Variants in DAP observed in about 807,000 individuals in gnomAD.
The protein encoded by DAP is death-associated protein 1.
In DAP, 8 loss-of-function variants were observed where a neutral mutation model predicts 13.8. That is an observed-to-expected ratio of 0.58 (90% CI 0.34 to 1.05). The LOEUF is 1.05. DAP is among the 50% of genes least tolerant of loss of function. DAP has a pLI of 0.03. For missense variants in DAP, 106 were observed against 133.2 expected (o/e 0.80, Z 1.01); for synonymous variants, 47 against 47.5 (o/e 0.99, Z 0.04).
intron 2 of DAP, among the ~76,000 whole-genome samples, chr5:10,687,751 A>G (rs1351182015): frequency 1.3e-5 from 2 of 152,236 alleles, no homozygotes; most frequent in Non-Finnish European, 2.9e-5. Flanking sequence ...TAATTGATAA[A>G]GCAGTGGCAG....
intron 1 of DAP, among the ~76,000 whole-genome samples, chr5:10,757,354 A>C (rs904042075): frequency 6.6e-6 from 1 of 152,010 alleles, no homozygotes; most frequent in Non-Finnish European, 1.5e-5. Flanking sequence ...GGCTCACCAC[A>C]ACCTCTGCCT....
chr5:10,715,759 T>A (rs267981), intron 2 of DAP, among the ~76,000 whole-genome samples: 3 of 152,204 alleles, frequency 2.0e-5, no homozygotes, highest in African/African-American at 7.2e-5. Flanking sequence ...GCAGGGAGGC[T>A]GTTAGCCTCA....
intron 2 of DAP, among the ~76,000 whole-genome samples, chr5:10,684,491 C>T (rs1738107833): frequency 6.6e-6 from 1 of 152,224 alleles, no homozygotes; most frequent in Non-Finnish European, 1.5e-5. Context: ...AAAAAACAGA[C>T]AAGCCCAAAC....
At chr5:10,708,223 C>T (rs894270099) in intron 2 of DAP, among the ~76,000 whole-genome samples, 4 of 152,144 alleles carry the variant, frequency 2.6e-5, no homozygotes, top group African/African-American at 9.7e-5. Context: ...AAATGGCTTT[C>T]CTACATTTTC....
chr5:10,720,822 T>C (rs1312600309), intron 2 of DAP, among the ~76,000 whole-genome samples: 1 of 152,248 alleles, frequency 6.6e-6, no homozygotes, highest in Non-Finnish European at 1.5e-5. Flanking sequence ...GGCAGAAATT[T>C]ATCCTCACTG....
chr5:10,733,289 G>A (rs972665088), intron 2 of DAP, among the ~76,000 whole-genome samples: 6 of 151,728 alleles, frequency 4.0e-5, no homozygotes, highest in African/African-American at 1.5e-4. Flanking sequence ...GAACAGTGCT[G>A]CTATGAACAC....
chr5:10,754,919 C>A (rs555774706), intron 1 of DAP, among the ~76,000 whole-genome samples: 1 of 152,260 alleles, frequency 6.6e-6, no homozygotes, highest in African/African-American at 2.4e-5. Flanking sequence ...CACGTCCCCC[C>A]ACTCTGGAAC....
rs185848789 is a variant in DAP, at chr5:10,722,399, G to A, written c.152+25776C>T. ...TCCAAGTTCTTCAGTTTTGAGGCTC[G>A]GACCTAGCTCTTCTTGCTCCTCAAG... On this transcript the variant is annotated intron_variant, in intron 2 of 3. Coordinates refer to ENST00000230895, the MANE Select transcript of DAP (RefSeq NM_004394.3). Among the ~76,000 whole-genome samples the A allele has an allele frequency of 4.6e-5, 7 of 152,052 alleles. No homozygotes were observed. In the East Asian group the frequency reaches 1.2e-3, roughly 25 times the overall value.
chr5:10,760,116 A>G (rs948955464), intron 1 of DAP, among the ~76,000 whole-genome samples: 1 of 152,178 alleles, frequency 6.6e-6, no homozygotes, highest in African/African-American at 2.4e-5. Context: ...ATGTTTCTCA[A>G]AGACTTCTGT....
At chr5:10,760,304 G>A (rs542218874) in intron 1 of DAP, among the ~76,000 whole-genome samples, 1 of 152,190 alleles carries the variant, frequency 6.6e-6, no homozygotes, top group African/African-American at 2.4e-5. Context: ...AAACAGACCC[G>A]TCTGGACAGA....
chr5:10,710,113 A>G lies in DAP; in HGVS notation c.153-26542T>C, dbSNP rs907748172. 3.9e-5 allele frequency among the ~76,000 whole-genome samples: 6 copies of G among 152,302 alleles called. No homozygotes were observed. In the East Asian group the frequency reaches 5.8e-4, roughly 15 times the overall value. On this transcript the variant is annotated intron_variant, in intron 2 of 3. Coordinates refer to ENST00000230895, the MANE Select transcript of DAP (RefSeq NM_004394.3). ...CTCCACCTTCAGAAACAAAACAGGG[A>G]AAAATCACTTCCTCAGCAAACGACC... is the stretch of plus-strand genomic sequence containing the variant.
At chr5:10,755,100 GTAA>G (rs147991563) in intron 1 of DAP, among the ~76,000 whole-genome samples, 2,642 of 152,338 alleles carry the variant, frequency 0.017, 58 homozygotes, top group African/African-American at 0.056. Context: ...GTGGGCCCAT[GTAA>G]TCTCAAGGGT....
intron 1 of DAP, among the ~76,000 whole-genome samples, chr5:10,753,051 C>A (rs1340931614): frequency 2.0e-5 from 3 of 152,204 alleles, no homozygotes; most frequent in Admixed American, 6.5e-5. Flanking sequence ...CTGTAAAGCA[C>A]CTGCCCATCG....
At chr5:10,699,176 C>T (rs1252550388) in intron 2 of DAP, among the ~76,000 whole-genome samples, 2 of 152,018 alleles carry the variant, frequency 1.3e-5, no homozygotes, top group African/African-American at 4.8e-5. Flanking sequence ...TTGTTCACAT[C>T]TACCTACCTA....
chr5:10,737,119 G>GC (rs1419520445), intron 2 of DAP, among the ~76,000 whole-genome samples: 3 of 152,324 alleles, frequency 2.0e-5, no homozygotes, highest in African/African-American at 7.2e-5. Context: ...GCTGAGGCAG[G>GC]CGATCACCTG....
At chr5:10,715,921 C>G (rs142348306) in intron 2 of DAP, among the ~76,000 whole-genome samples, 1 of 152,186 alleles carries the variant, frequency 6.6e-6, no homozygotes, top group African/African-American at 2.4e-5. Context: ...GGAAACCTCT[C>G]GATAATACAC....
chr5:10,694,107 C>T lies in DAP; in HGVS notation c.153-10536G>A, dbSNP rs545046848. 3.3e-5 allele frequency among the ~76,000 whole-genome samples: 5 copies of T among 152,202 alleles called. No homozygotes were observed. The East Asian group carries it at 9.7e-4, about 29-fold the overall frequency. On this transcript the variant is annotated intron_variant, in intron 2 of 3. Transcript: ENST00000230895. ...TCCACCATCTCAGACGACTCTGTTC[C>T]TCAGTCTCGGGAACAAAATGCAGGG...
At position 10,736,656 on chromosome 5, in the gene DAP, C is replaced by T. The variant is rs141980769; in HGVS notation, c.152+11519G>A. Among the ~76,000 whole-genome samples the T allele has an allele frequency of 3.4e-3, 520 of 152,338 alleles. 3 individuals carry two copies. The highest frequency in any genetic ancestry group is 0.012 in the African/African-American group (506 of 41,574). The stretch of plus-strand genomic sequence containing the variant: ...CATAAACGGTGACACTTCAGCAATG[C>T]CCCATTTTGCCTACAAACTTGGTCT... On this transcript the variant is annotated intron_variant, in intron 2 of 3. Coordinates refer to ENST00000230895, the MANE Select transcript of DAP (RefSeq NM_004394.3).
rs765145732 is a variant in DAP at position 10,681,180 on chromosome 5, A to C, written c.196-11T>G. 4 of 1,485,858 alleles carry C rather than the reference A, an allele frequency of 2.7e-6. No individual in the cohort carries two copies. The East Asian group carries it at 9.5e-5, about 35-fold the overall frequency. The allele number at this position is 1,485,858 out of a possible 1,614,324, so 92.0% of individuals were successfully genotyped here. A position where few individuals can be genotyped will look rare whatever the true frequency, so the allele number is the denominator to read the frequency against. On this transcript the variant is annotated splice_polypyrimidine_tract_variant and intron_variant, in intron 3 of 3. Coordinates refer to ENST00000230895, the MANE Select transcript of DAP (RefSeq NM_004394.3). The stretch of plus-strand genomic sequence containing the variant: ...GAAATCTTTGTCACCCTGTCAGGAA[A>C]CACGGAAAGCTCAGGTTAATCAATA...
Sources: gnomAD v4.1 joint callset for allele counts (sites outside exome capture counted in the v4.1 genomes callset) on GRCh38, gnomAD v4.1.1 for gene constraint, MANE v1.5 for transcripts, NCBI Gene and HGNC (gene_info 2026-07-23, HGNC 2026-07-21) for gene names.